The following TMEM263 variants were observed in gnomAD, a reference collection of about 807,000 sequenced individuals.
TMEM263 encodes the protein UPF0444 transmembrane protein C12orf23.
A neutral mutation model predicts 8.6 loss-of-function variants in TMEM263; 5 were observed. That is an observed-to-expected ratio of 0.58 (90% CI 0.31 to 1.23). The LOEUF (loss-of-function observed/expected upper bound fraction) is 1.23, where lower values mean the gene tolerates loss of function less well. Ranked by LOEUF, TMEM263 falls within the 50% of genes most tolerant of loss-of-function variation. The pLI is 0.07. For synonymous variants in TMEM263, 50 were observed against 47.9 expected (o/e 1.04, Z -0.18); for missense variants, 104 against 138.8 (o/e 0.75, Z 1.26).
intron 3 of TMEM263, among the ~76,000 whole-genome samples, chr12:106,970,427 T>C (rs769185741): frequency 5.3e-5 from 8 of 152,206 alleles, no homozygotes; most frequent in Non-Finnish European, 1.0e-4. Flanking sequence ...AAGGTGATAC[T>C]GGTTTATACA....
At chr12:106,966,342 G>A (rs1951847502) in intron 2 of TMEM263, among the ~76,000 whole-genome samples, 1 of 152,204 alleles carries the variant, frequency 6.6e-6, no homozygotes, top group Non-Finnish European at 1.5e-5. Flanking sequence ...TGGTTACATA[G>A]TGTTCCATGA....
At chr12:106,969,433 A>G (rs1207257212) in intron 3 of TMEM263, among the ~76,000 whole-genome samples, 3 of 152,218 alleles carry the variant, frequency 2.0e-5, no homozygotes, top group Non-Finnish European at 4.4e-5. Context: ...TGCTTAAATT[A>G]TTAGGTTACT....
At chr12:106,956,237 G>A (rs1168736077) in intron 1 of TMEM263, among the ~76,000 whole-genome samples, 172 bp downstream of exon 1, 1 of 152,232 alleles carries the variant, frequency 6.6e-6, no homozygotes, top group African/African-American at 2.4e-5. Flanking sequence ...CGAAGTTGGG[G>A]GCGGATGGAG....
rs1398307489 is a variant in TMEM263 at position 106,972,505 on chromosome 12, T to C, written c.*1114T>C. On this transcript the variant is annotated 3_prime_UTR_variant, in exon 4 of 4. Coordinates refer to ENST00000280756, the MANE Select transcript of TMEM263 (RefSeq NM_152261.4). ...CCATAGATTAGTTTTGAATATAAAGTATATAAAAGTGCATCAGTGGTTTAT... is the reference window on the plus strand; with the variant it reads ...CCATAGATTAGTTTTGAATATAAAGCATATAAAAGTGCATCAGTGGTTTAT... The C allele has an allele frequency of 6.6e-6, 1 of 152,184 alleles. No individual in the cohort carries two copies. Among genetic ancestry groups the C allele is most frequent in the African/African-American group, 2.4e-5 (1 of 41,462 alleles). 9.4% of individuals were successfully genotyped at this position (152,184 alleles called of 1,614,324 possible).
chr12:106,960,017 G>A (rs1031589936), intron 2 of TMEM263, among the ~76,000 whole-genome samples: 1 of 152,004 alleles, frequency 6.6e-6, no homozygotes, highest in African/African-American at 2.4e-5. Context: ...TGTACAAGAT[G>A]CCCAAACATC....
rs1009486720 is a variant in TMEM263, at chr12:106,956,027, C to T, written c.-113C>T. ...CTCCTCTGCGCCGGCCCGCTCACTC[C>T]GCCCGGCCCCAGCCCTAGCGCTGGC... On this transcript the variant is annotated 5_prime_UTR_variant, in exon 1 of 4. Transcript: ENST00000280756. 4.1e-6 allele frequency: 4 copies of T among 985,814 alleles called. No homozygotes were observed. The South Asian group carries it at 1.4e-4, about 35-fold the overall frequency. The allele number at this position is 985,814 out of a possible 1,614,324, so 61.1% of individuals were successfully genotyped here. A position where few individuals can be genotyped will look rare whatever the true frequency, so the allele number is the denominator to read the frequency against.
chr12:106,961,903 A>T (rs1221831179), intron 2 of TMEM263, among the ~76,000 whole-genome samples: 1 of 151,584 alleles, frequency 6.6e-6, no homozygotes, highest in Non-Finnish European at 1.5e-5. Flanking sequence ...TGATTCAAGT[A>T]TGTTGTTTTT....
chr12:106,957,113 CAG>C lies in TMEM263; in HGVS notation c.-42_-41del, dbSNP rs545490862. 161 of 985,650 alleles carry C rather than the reference CAG, an allele frequency of 1.6e-4. 1 individual carries two copies. The African/African-American group carries it at 2.6e-3, about 16-fold the overall frequency. 61.1% of individuals were successfully genotyped at this position (985,650 alleles called of 1,614,324 possible). On this transcript the variant is annotated 5_prime_UTR_variant, in exon 2 of 4. Coordinates refer to ENST00000280756, the MANE Select transcript of TMEM263 (RefSeq NM_152261.4). ...AAACTTCTGCTGGTGTGAGTGCCCT[CAG>C]GGGTTCCCCAGGAATATCGATACAA...
Position 106,972,677 on chromosome 12 carries a change from G to C in TMEM263, c.*1286G>C, listed in dbSNP as rs747075412. On this transcript the variant is annotated 3_prime_UTR_variant, in exon 4 of 4. Transcript: ENST00000280756. ...ATCTTATTAATATGTCTCATGTCTC[G>C]TTCCTTCTTAATATGATTTAGCTGG... The C allele has an allele frequency of 6.6e-6, 1 of 151,974 alleles. No homozygotes were observed. The highest frequency in any genetic ancestry group is 1.9e-4 in the East Asian group (1 of 5,188). The allele number at this position is 151,974 out of a possible 1,614,324, so 9.4% of individuals were successfully genotyped here. A position where few individuals can be genotyped will look rare whatever the true frequency, so the allele number is the denominator to read the frequency against.
At chr12:106,959,205 A>G (rs1307267366) in intron 2 of TMEM263, 1 of 152,216 alleles carries the variant, frequency 6.6e-6, no homozygotes, top group Non-Finnish European at 1.5e-5. Flanking sequence ...TAATAATTTT[A>G]ATGTATTACT....
intron 3 of TMEM263, among the ~76,000 whole-genome samples, chr12:106,969,593 G>T (rs1324941828): frequency 6.6e-6 from 1 of 151,946 alleles, no homozygotes; most frequent in Non-Finnish European, 1.5e-5. Flanking sequence ...GGGTGTGGTG[G>T]TGGGCACCTG....
At chr12:106,966,098 A>AT (rs1477674244) in intron 2 of TMEM263, among the ~76,000 whole-genome samples, 1 of 152,176 alleles carries the variant, frequency 6.6e-6, no homozygotes, top group Non-Finnish European at 1.5e-5. Context: ...GGTAATAAGC[A>AT]TAGTACTCAA....
At chr12:106,959,789 G>A (rs574627444) in intron 2 of TMEM263, among the ~76,000 whole-genome samples, 1 of 152,258 alleles carries the variant, frequency 6.6e-6, no homozygotes, top group East Asian at 1.9e-4. Flanking sequence ...CAGGACTTTG[G>A]AATGGTTTAT....
intron 3 of TMEM263, among the ~76,000 whole-genome samples, chr12:106,970,420 G>T: frequency 6.6e-6 from 1 of 152,104 alleles, no homozygotes; most frequent in South Asian, 2.1e-4. Flanking sequence ...TGTGAGCAAG[G>T]TGATACTGGT....
Position 106,956,074 on chromosome 12 carries a change from G to A in TMEM263, c.-75+9G>A. On this transcript the variant is annotated intron_variant, in intron 1 of 3. Transcript: ENST00000280756. Reference sequence around the variant, plus strand: ...TGGCCGCGACCCCGGCGGTGAGTGAGTCGGGATGCGAGGGCAGGGGCGCAG... The same window carrying A: ...TGGCCGCGACCCCGGCGGTGAGTGAATCGGGATGCGAGGGCAGGGGCGCAG... The A allele has an allele frequency of 4.1e-6, 4 of 982,822 alleles. No individual in the cohort carries two copies. Among genetic ancestry groups the A allele is most frequent in the Non-Finnish European group, 4.8e-6 (4 of 827,566 alleles). 60.9% of individuals were successfully genotyped at this position (982,822 alleles called of 1,614,324 possible).
Position 106,967,160 on chromosome 12 carries a change from T to A in TMEM263, c.44T>A (p.Leu15His). 1 of 1,596,568 alleles carries A rather than the reference T, an allele frequency of 6.3e-7. No individual in the cohort carries two copies. The highest frequency in any genetic ancestry group is 8.6e-7 in the Non-Finnish European group (1 of 1,169,534). The change falls in exon 3 of 4, where the codon CTT becomes CAT. Residue 15 changes from leucine (L) to histidine (H), a missense_variant. Physicochemically the swap from Leu to His is moderately conservative, Grantham distance 99 (BLOSUM62 -3). Coordinates refer to ENST00000280756, the MANE Select transcript of TMEM263 (RefSeq NM_152261.4). ...AATCAACAAGAAATCCCATCATACC[T>A]TAATGATGAACCACCAGAAGGTAAG... ...DKNQQEIPSY[L>H]NDEPPEGSMK... is the part of the protein sequence containing the mutation.
Position 106,971,233 on chromosome 12 carries a change from C to T in TMEM263, c.193C>T (p.Leu65=). The change falls in exon 4 of 4, where the codon CTG becomes TTG. Residue 65 remains leucine (L), a synonymous_variant. Coordinates refer to ENST00000280756, the MANE Select transcript of TMEM263 (RefSeq NM_152261.4). ...GGVAWIGGKS[L]EVTKTAVTTV... ...TGTGGCTTGGATTGGTGGAAAGAGT[C>T]TGGAAGTGACCAAAACAGCTGTTAC... The T allele has an allele frequency of 6.2e-7, 1 of 1,614,168 alleles. No homozygotes were observed. The highest frequency in any genetic ancestry group is 8.5e-7 in the Non-Finnish European group (1 of 1,180,042).
chr12:106,969,772 G>GT (rs1301753598), intron 3 of TMEM263, among the ~76,000 whole-genome samples: 3 of 150,714 alleles, frequency 2.0e-5, no homozygotes, highest in Non-Finnish European at 4.4e-5. Context: ...AAAGACCTGT[G>GT]TTCACTGTGT....
At chr12:106,962,231 CT>C (rs1299108433) in intron 2 of TMEM263, among the ~76,000 whole-genome samples, 1 of 151,208 alleles carries the variant, frequency 6.6e-6, no homozygotes, top group East Asian at 2.0e-4. Context: ...CCCCCGCCCC[CT>C]GGCAATCTTT....
Sources: gnomAD v4.1 joint callset for allele counts (sites outside exome capture counted in the v4.1 genomes callset) on GRCh38, gnomAD v4.1.1 for gene constraint, MANE v1.5 for transcripts, NCBI Gene and HGNC (gene_info 2026-07-23, HGNC 2026-07-21) for gene names.